The following ABTB2 variants were observed in gnomAD, a reference collection of about 807,000 sequenced individuals.
ABTB2 encodes ankyrin repeat and BTB domain containing 2.
A neutral mutation model predicts 104.1 loss-of-function variants in ABTB2; 56 were observed. The observed-to-expected ratio is 0.54, with a 90% confidence interval of 0.43 to 0.67. ABTB2 has a LOEUF of 0.67. ABTB2 is among the 30% of genes least tolerant of loss of function. The probability of loss-of-function intolerance (pLI) is 0.00; values close to 1 mark genes in which losing one functional copy is unlikely to be tolerated. For missense variants in ABTB2, 1,279 were observed against 1,407.7 expected (o/e 0.91, Z 1.46); for synonymous variants, 606 against 608.2 (o/e 1.00, Z 0.05).
chr11:34,214,194 A>C (rs1195194653), intron 1 of ABTB2, among the ~76,000 whole-genome samples: 1 of 149,434 alleles, frequency 6.7e-6, no homozygotes, highest in Non-Finnish European at 1.5e-5. Flanking sequence ...TGGAGAAATT[A>C]AGGATGGAGA....
chr11:34,296,716 G>A (rs760553414), intron 1 of ABTB2, among the ~76,000 whole-genome samples: 4 of 152,248 alleles, frequency 2.6e-5, no homozygotes, highest in Non-Finnish European at 5.9e-5. Context: ...GACAGCAGGT[G>A]GCATAATCTG....
In ABTB2 at chr11:34,350,154, T is replaced by C. The variant is rs148426813; in HGVS notation, c.883+6547A>G. Among the ~76,000 whole-genome samples the C allele has an allele frequency of 1.1e-4, 16 of 152,260 alleles. No homozygotes were observed. The East Asian group carries it at 3.1e-3, about 29-fold the overall frequency. On this transcript the variant is annotated intron_variant, in intron 1 of 16. Transcript: ENST00000435224. ...TCCAAAGTCTGGGCCCTTCACTGCT[T>C]TGCTACATCGCTGACTCATTCTCTC...
At chr11:34,198,298 G>A (rs867988239) in intron 2 of ABTB2, among the ~76,000 whole-genome samples, 6 of 152,058 alleles carry the variant, frequency 3.9e-5, no homozygotes, top group South Asian at 4.1e-4. Flanking sequence ...AGTGGCAGGC[G>A]CCTGTAGTCC....
chr11:34,168,202 T>C (rs1565130340), intron 5 of ABTB2, among the ~76,000 whole-genome samples: 2 of 152,154 alleles, frequency 1.3e-5, no homozygotes, highest in African/African-American at 4.8e-5. Flanking sequence ...TGCAGGACAC[T>C]GGAGCAGGGC....
In ABTB2 at chr11:34,154,685, C is replaced by G. The variant is rs199588715; in HGVS notation, c.2766+16G>C. The G allele has an allele frequency of 1.9e-5, 30 of 1,613,932 alleles. 1 individual carries two copies. The South Asian group carries it at 2.3e-4, about 12-fold the overall frequency. On this transcript the variant is annotated intron_variant, in intron 15 of 16. Transcript: ENST00000435224. This position sits in a 1 kb window ranked among gnomAD's most constrained non-coding sequence, Gnocchi z 4.9. ...GCACCCTAGCCCAGGCCCCCTCCCC[C>G]TCTCCCGAGTCTCACCTCCAGGATG...
At chr11:34,306,884 T>C (rs549576351) in intron 1 of ABTB2, among the ~76,000 whole-genome samples, 1 of 148,886 alleles carries the variant, frequency 6.7e-6, no homozygotes, top group South Asian at 2.1e-4. Context: ...GTTCAGCACA[T>C]AGCAGGTACT....
intron 1 of ABTB2, among the ~76,000 whole-genome samples, chr11:34,313,801 C>T (rs1393238910): frequency 6.6e-6 from 1 of 151,550 alleles, no homozygotes; most frequent in Admixed American, 6.6e-5. Context: ...ATGATGAACA[C>T]ACACTCACTA....
At chr11:34,256,094 C>T (rs775108759) in intron 1 of ABTB2, among the ~76,000 whole-genome samples, 3 of 150,652 alleles carry the variant, frequency 2.0e-5, no homozygotes, top group Non-Finnish European at 2.9e-5. Flanking sequence ...TCTGTTCCTG[C>T]GTAAAATCCA....
At chr11:34,258,467 G>T (rs1854149821) in intron 1 of ABTB2, among the ~76,000 whole-genome samples, 1 of 152,102 alleles carries the variant, frequency 6.6e-6, no homozygotes, top group Non-Finnish European at 1.5e-5. Flanking sequence ...GTTGCTCTAG[G>T]CAACTTATTT....
chr11:34,221,204 C>T (rs1482537760), intron 1 of ABTB2, among the ~76,000 whole-genome samples: 2 of 152,128 alleles, frequency 1.3e-5, no homozygotes, highest in African/African-American at 2.4e-5. Flanking sequence ...AACTCTTGGC[C>T]TCGTGATCCA....
At chr11:34,164,516 C>G (rs1034086754) in intron 9 of ABTB2, among the ~76,000 whole-genome samples, 170 bp downstream of exon 9, 9 of 152,230 alleles carry the variant, frequency 5.9e-5, no homozygotes, top group African/African-American at 1.9e-4. Context: ...CATCTCTGGG[C>G]CCTGTGCAGG....
At chr11:34,184,507 C>T (rs527964321) in intron 3 of ABTB2, among the ~76,000 whole-genome samples, 13 of 152,292 alleles carry the variant, frequency 8.5e-5, no homozygotes, top group African/African-American at 3.1e-4. Flanking sequence ...GGTTCCAGGG[C>T]GGCATTTCGT....
At chr11:34,235,787 G>T (rs60583332) in intron 1 of ABTB2, among the ~76,000 whole-genome samples, 3,458 of 152,310 alleles carry the variant, frequency 0.023, 131 homozygotes, top group East Asian at 0.17. Context: ...ATCCATGCTA[G>T]AGGCATTAAT....
intron 16 of ABTB2, among the ~76,000 whole-genome samples, chr11:34,153,607 G>A (rs1476960798): frequency 6.6e-6 from 1 of 152,168 alleles, no homozygotes; most frequent in East Asian, 1.9e-4. Context: ...TCCTCCCAAA[G>A]TACTGGGATT....
rs550057216 is a variant in ABTB2, at chr11:34,186,411, C to T, written c.1244+10914G>A. Among the ~76,000 whole-genome samples the T allele has an allele frequency of 4.6e-5, 7 of 152,370 alleles. No individual in the cohort carries two copies. The East Asian group carries it at 7.7e-4, about 17-fold the overall frequency. ...TACCACCCAGCTCCTGTCCTCCCCC[C>T]ATCCTGAGGGTCTGAATGCTCTCCA... On this transcript the variant is annotated intron_variant, in intron 3 of 16. Coordinates refer to ENST00000435224, the MANE Select transcript of ABTB2 (RefSeq NM_145804.3).
At chr11:34,323,924 T>C (rs1010708355) in intron 1 of ABTB2, among the ~76,000 whole-genome samples, 2 of 146,074 alleles carry the variant, frequency 1.4e-5, no homozygotes, top group Non-Finnish European at 3.0e-5. Context: ...TTTTTTTTTT[T>C]TTTTTTTGAG....
intron 3 of ABTB2, among the ~76,000 whole-genome samples, chr11:34,186,989 T>C (rs1319438535): frequency 1.3e-5 from 2 of 152,212 alleles, no homozygotes; most frequent in Non-Finnish European, 2.9e-5. Flanking sequence ...ATTCATTGCA[T>C]TATTATTGAT....
At chr11:34,340,491 G>A (rs1258969176) in intron 1 of ABTB2, among the ~76,000 whole-genome samples, 1 of 152,136 alleles carries the variant, frequency 6.6e-6, no homozygotes, top group African/African-American at 2.4e-5. Context: ...CAAGTGACTG[G>A]GGGAGTCAAG....
chr11:34,201,257 A>G (rs1340261970), intron 2 of ABTB2, among the ~76,000 whole-genome samples: 1 of 151,924 alleles, frequency 6.6e-6, no homozygotes, highest in Non-Finnish European at 1.5e-5. Context: ...GCAAGGAAAA[A>G]CAAGTCCTCC....
Sources: allele counts gnomAD v4.1 joint callset (sites outside exome capture counted in the v4.1 genomes callset), GRCh38; gene constraint gnomAD v4.1.1; non-coding constraint Gnocchi (gnomAD v3.1); transcripts MANE v1.5; gene names NCBI Gene and HGNC (gene_info 2026-07-23, HGNC 2026-07-21).